Variants in TECTA observed in about 807,000 individuals in gnomAD.
TECTA encodes alpha-tectorin.
Under a neutral mutation model 216.8 loss-of-function variants are expected in TECTA, and 128 were observed. That is an observed-to-expected ratio of 0.59 (90% CI 0.51 to 0.68). The LOEUF is 0.68. Among genes scored for constraint, TECTA ranks in the 30% least tolerant of loss-of-function variants. The pLI is 0.00. For missense variants in TECTA, 2,551 were observed against 2,786.2 expected (o/e 0.92, Z 1.90); for synonymous variants, 1,089 against 1,117.1 (o/e 0.97, Z 0.50).
At chr11:121,138,594 A>C (rs991722622) in intron 11 of TECTA, among the ~76,000 whole-genome samples, 1 of 152,048 alleles carries the variant, frequency 6.6e-6, no homozygotes, top group Non-Finnish European at 1.5e-5. Flanking sequence ...GCTCTCCTAC[A>C]ATCCCTTTAC....
chr11:121,122,672 C>CAAAAAA (rs33994765), intron 7 of TECTA, among the ~76,000 whole-genome samples: 2 of 48,924 alleles, frequency 4.1e-5, no homozygotes. Flanking sequence ...CCTGTCTCTC[C>CAAAAAA]AAAAAAAAAA....
chr11:121,108,111 A>G (rs1289108773), intron 3 of TECTA, among the ~76,000 whole-genome samples: 4 of 152,180 alleles, frequency 2.6e-5, no homozygotes, highest in Admixed American at 2.0e-4. Flanking sequence ...CTCTTTTGTC[A>G]TAAAATAGGA....
chr11:121,102,379 A>G (rs900189661), intron 1 of TECTA, among the ~76,000 whole-genome samples: 4 of 152,168 alleles, frequency 2.6e-5, no homozygotes, highest in Non-Finnish European at 4.4e-5. Flanking sequence ...TCCTTTACGC[A>G]TACCACTCTC....
At chr11:121,185,491 T>C (rs1311154584) in intron 20 of TECTA, among the ~76,000 whole-genome samples, 2 of 127,064 alleles carry the variant, frequency 1.6e-5, no homozygotes, top group Admixed American at 7.3e-5. Context: ...AGATGTTGAA[T>C]GCTTAATGAA....
chr11:121,161,928 G>A, intron 15 of TECTA, 147 bp from the exon 16 acceptor site: 1 of 890,540 alleles, frequency 1.1e-6, no homozygotes, highest in Middle Eastern at 3.2e-4. Flanking sequence ...ATAGAGACTA[G>A]CAGTATCTTA....
At position 121,187,931 on chromosome 11, in the gene TECTA, C is replaced by T. The variant is rs372866118; in HGVS notation, c.6099C>T (p.Tyr2033=). ...CCGTCTTTAAATTCATAGGGGATTA[C>T]GACGAAGTTCACCTTCACTGTGCAG... ...HVTVFKFIGD[Y]DEVHLHCAVS... is the part of the protein sequence containing the mutation. Residue 2033 remains tyrosine, a synonymous_variant, in exon 21 of 24, where the codon TAC becomes TAT. Coordinates refer to ENST00000392793, the MANE Select transcript of TECTA (RefSeq NM_005422.4). 1.1e-4 allele frequency: 184 copies of T among 1,614,014 alleles called. 1 individual carries two copies. Among genetic ancestry groups the T allele is most frequent in the South Asian group, 2.0e-4 (18 of 91,086 alleles).
intron 14 of TECTA, 47 bp from the exon 15 acceptor site, chr11:121,160,088 A>G (rs771705783): frequency 6.2e-7 from 1 of 1,613,660 alleles, no homozygotes; most frequent in African/African-American, 1.3e-5. Flanking sequence ...CAAGTTTGCC[A>G]ACACCTACTC....
chr11:121,120,834 G>A (rs1270684669), intron 7 of TECTA, among the ~76,000 whole-genome samples: 1 of 152,250 alleles, frequency 6.6e-6, no homozygotes, highest in East Asian at 1.9e-4. Flanking sequence ...TGAACAGGGA[G>A]CCAAGGCCAA....
chr11:121,131,016 C>A (rs1412769720), intron 10 of TECTA, among the ~76,000 whole-genome samples: 1 of 150,816 alleles, frequency 6.6e-6, no homozygotes, highest in Non-Finnish European at 1.5e-5. Context: ...AGATCGAGAC[C>A]ATCCTGGCTA....
In TECTA at chr11:121,113,125, C is replaced by T; in HGVS notation, c.540C>T (p.Leu180=). Residue 180 remains leucine (L), a synonymous_variant, in exon 5 of 24, where the codon CTC becomes CTT. Coordinates refer to ENST00000392793, the MANE Select transcript of TECTA (RefSeq NM_005422.4). This position sits in a 1 kb window ranked among gnomAD's most constrained non-coding sequence, Gnocchi z 4.2. ...CCGATGGCTCCTATACATTCACCCT[C>T]TTCAATTATTACGAAATCAACTGGA... ...LVSDGSYTFT[L]FNYYEINWTT... is the part of the protein sequence containing the mutation. 2 of 1,614,154 alleles carry T rather than the reference C, an allele frequency of 1.2e-6. No homozygotes were observed. Among genetic ancestry groups the T allele is most frequent in the South Asian group, 1.1e-5 (1 of 91,070 alleles).
intron 11 of TECTA, among the ~76,000 whole-genome samples, chr11:121,144,151 C>T (rs7114879): frequency 0.26 from 39,102 of 151,972 alleles, 6,139 homozygotes; most frequent in African/African-American, 0.44. Flanking sequence ...TTCGGTGTTG[C>T]TGGTGTGCAG....
chr11:121,140,930 GC>G (rs1255232326), intron 11 of TECTA: 7 of 152,412 alleles, frequency 4.6e-5, no homozygotes, highest in Middle Eastern at 3.4e-3. Context: ...GGGGGTTAAG[GC>G]CTCAACATTT....
Position 121,130,023 on chromosome 11 carries a change from C to T in TECTA, c.2753C>T (p.Pro918Leu), listed in dbSNP as rs770726991. Residue 918 changes from proline (P) to leucine (L), a missense_variant, in exon 10 of 24, where the codon CCC (proline) becomes CTC (leucine). Coordinates refer to ENST00000392793, the MANE Select transcript of TECTA (RefSeq NM_005422.4). ...TCCAGGTGCGGCATCATCAACGACC[C>T]CTCCAACAGCTCCTTCCTGGAGTGC... Reference protein sequence around the residue: ...SRSRCGIINDPSNSSFLECHG... With the variant: ...SRSRCGIINDLSNSSFLECHG... 1 of 1,611,342 alleles carries T rather than the reference C, an allele frequency of 6.2e-7. No homozygotes were observed. The highest frequency in any genetic ancestry group is 8.5e-7 in the Non-Finnish European group (1 of 1,178,014).
rs663435 is a variant in TECTA at position 121,162,665 on chromosome 11, A to G, written c.5272+295A>G. Among the ~76,000 whole-genome samples the G allele has an allele frequency of 0.42, 63,363 of 151,982 alleles. 14,461 individuals carry two copies. The highest frequency in any genetic ancestry group is 0.61 in the African/African-American group (25,164 of 41,446). ...GGTTAGTGGCTTATGAGGTAGAGGG[A>G]CACAGTGTGGGATTCCTGATGGATT... On this transcript the variant is annotated intron_variant, in intron 16 of 23. Transcript: ENST00000392793.
intron 18 of TECTA, among the ~76,000 whole-genome samples, chr11:121,167,188 T>C (rs979057194): frequency 2.6e-5 from 4 of 152,180 alleles, no homozygotes; most frequent in African/African-American, 7.2e-5. Flanking sequence ...CCCAGCACTT[T>C]GGGAGGCCAA....
At chr11:121,141,575 C>T (rs571679201) in intron 11 of TECTA, among the ~76,000 whole-genome samples, 1 of 152,340 alleles carries the variant, frequency 6.6e-6, no homozygotes, top group East Asian at 1.9e-4. Flanking sequence ...CATCCACAGC[C>T]AGGGCTCAAC....
At chr11:121,158,586 G>A (rs1415720607) in intron 14 of TECTA, among the ~76,000 whole-genome samples, 1 of 152,114 alleles carries the variant, frequency 6.6e-6, no homozygotes, top group East Asian at 1.9e-4. Context: ...GATTATTCTT[G>A]GCTCTGCCCT....
At position 121,127,744 on chromosome 11, in the gene TECTA, C is replaced by T. The variant is rs1301562820; in HGVS notation, c.1775-8C>T. 5 of 1,613,920 alleles carry T rather than the reference C, an allele frequency of 3.1e-6. No homozygotes were observed. Among genetic ancestry groups the T allele is most frequent in the African/African-American group, 2.7e-5 (2 of 74,924 alleles). ...TTGTTATCGGCTCTCTTCCTTTCCC[C>T]GCGTCAGTGTCCACAGTGCAGTGCC... On this transcript the variant is annotated splice_region_variant and splice_polypyrimidine_tract_variant and intron_variant, in intron 8 of 23. Transcript: ENST00000392793. This position sits in a 1 kb window ranked among gnomAD's most constrained non-coding sequence, Gnocchi z 5.0.
chr11:121,104,884 C>T (rs1946377797), intron 2 of TECTA, among the ~76,000 whole-genome samples: 1 of 151,938 alleles, frequency 6.6e-6, no homozygotes, highest in Non-Finnish European at 1.5e-5. Context: ...ACGATAGTGT[C>T]CTATTGTCTT....
Sources: allele counts gnomAD v4.1 joint callset (sites outside exome capture counted in the v4.1 genomes callset), GRCh38; gene constraint gnomAD v4.1.1; non-coding constraint Gnocchi (gnomAD v3.1); transcripts MANE v1.5; gene names NCBI Gene and HGNC (gene_info 2026-07-23, HGNC 2026-07-21).